COX16: variants seen among roughly 807,000 people sequenced by gnomAD.
The protein encoded by COX16 is cytochrome c oxidase assembly factor COX16.
In COX16, 12 loss-of-function variants were observed where a neutral mutation model predicts 15.4. The ratio of observed to expected loss-of-function variants is 0.78; its 90% CI spans 0.50 to 1.26. COX16 has a LOEUF of 1.26. Among genes scored for constraint, COX16 ranks in the 50% most tolerant of loss-of-function variants. The pLI, the probability that COX16 is intolerant of heterozygous loss-of-function variation, is 0.00. For missense variants in COX16, 124 were observed against 127.6 expected (o/e 0.97, Z 0.14); for synonymous variants, 46 against 41.1 (o/e 1.12, Z -0.46).
intron 3 of COX16, among the ~76,000 whole-genome samples, chr14:70,326,759 C>T (rs774095675): frequency 6.6e-6 from 1 of 152,076 alleles, no homozygotes; most frequent in Non-Finnish European, 1.5e-5. Context: ...AACAAAAGTA[C>T]AAATCTGAAG....
chr14:70,352,017 T>A (rs1488734022), intron 1 of COX16, among the ~76,000 whole-genome samples: 1 of 152,142 alleles, frequency 6.6e-6, no homozygotes, highest in African/African-American at 2.4e-5. Flanking sequence ...CAATGACAAT[T>A]TGGGGATCTT....
At position 70,359,456 on chromosome 14, in the gene COX16, GTCTTGA is replaced by G. The variant is rs2140775107; in HGVS notation, c.69+57_69+62del. On this transcript the variant is annotated intron_variant, in intron 1 of 3. Transcript: ENST00000389912. Reference sequence around the variant, plus strand: ...TCACATTTTACAGATTCCCTCCCAGGTCTTGATCCTGCCAAGGAGGAGGGTCCCACC... The same window carrying G: ...TCACATTTTACAGATTCCCTCCCAGGTCCTGCCAAGGAGGAGGGTCCCACC... 2.1e-6 allele frequency: 3 copies of G among 1,431,818 alleles called. No homozygotes were observed. In the East Asian group the frequency reaches 6.8e-5, roughly 33 times the overall value. 88.7% of individuals were successfully genotyped at this position (1,431,818 alleles called of 1,614,324 possible). A position where few individuals can be genotyped will look rare whatever the true frequency, so the allele number is the denominator to read the frequency against.
At chr14:70,335,218 T>C (rs907754126) in intron 2 of COX16, among the ~76,000 whole-genome samples, 33 of 152,052 alleles carry the variant, frequency 2.2e-4, no homozygotes, top group Admixed American at 2.0e-4. Flanking sequence ...TATTAACAAA[T>C]CTAAAGGGAG....
intron 1 of COX16, among the ~76,000 whole-genome samples, chr14:70,351,926 T>A (rs1886968732): frequency 6.6e-6 from 1 of 152,176 alleles, no homozygotes; most frequent in African/African-American, 2.4e-5. Context: ...CAAACTTTAT[T>A]TTTTTGCAAA....
At chr14:70,353,618 A>T (rs1251049708) in intron 1 of COX16, among the ~76,000 whole-genome samples, 1 of 151,660 alleles carries the variant, frequency 6.6e-6, no homozygotes, top group Non-Finnish European at 1.5e-5. Flanking sequence ...GGCTCAAGTA[A>T]TTCTCCCGTC....
intron 1 of COX16, among the ~76,000 whole-genome samples, chr14:70,358,884 C>G (rs1887211420): frequency 6.6e-6 from 1 of 152,110 alleles, no homozygotes; most frequent in Non-Finnish European, 1.5e-5. Context: ...ATGGATGAAA[C>G]CATATAAACA....
intron 2 of COX16, among the ~76,000 whole-genome samples, chr14:70,341,324 C>T (rs1428789242): frequency 1.3e-5 from 2 of 152,102 alleles, no homozygotes; most frequent in African/African-American, 4.8e-5. Context: ...GTCCTTAAAA[C>T]TAGCTGATGT....
intron 1 of COX16, among the ~76,000 whole-genome samples, chr14:70,356,195 C>T (rs975083185): frequency 7.8e-6 from 1 of 128,868 alleles, no homozygotes; most frequent in African/African-American, 3.0e-5. Flanking sequence ...ACCATTTTTC[C>T]ACAGATGGTG....
intron 2 of COX16, 30 bp downstream of exon 2, chr14:70,342,628 C>T: frequency 6.2e-7 from 1 of 1,602,496 alleles, no homozygotes. Flanking sequence ...TATAGACAGA[C>T]ACATGTCAAA....
intron 2 of COX16, 92 bp downstream of exon 2, chr14:70,342,566 C>A: frequency 8.1e-7 from 1 of 1,241,692 alleles, no homozygotes; most frequent in Non-Finnish European, 1.1e-6. Flanking sequence ...GCAAGACAAA[C>A]TCAGACTACT....
chr14:70,333,539 AG>A (rs1412469122), intron 2 of COX16, among the ~76,000 whole-genome samples: 1 of 152,224 alleles, frequency 6.6e-6, no homozygotes, highest in African/African-American at 2.4e-5. Context: ...CAGTAAGAAG[AG>A]AAAAAAGGAA....
At chr14:70,345,466 G>C (rs867838582) in intron 1 of COX16, among the ~76,000 whole-genome samples, 2 of 152,074 alleles carry the variant, frequency 1.3e-5, no homozygotes, top group Non-Finnish European at 1.5e-5. Context: ...GGGAAACTCC[G>C]GTCCTCCATT....
intron 3 of COX16, among the ~76,000 whole-genome samples, chr14:70,327,463 C>G (rs1374447754): frequency 6.6e-6 from 1 of 151,550 alleles, no homozygotes; most frequent in Non-Finnish European, 1.5e-5. Flanking sequence ...TGTAGAACTA[C>G]AAGTTAGCAA....
At chr14:70,351,522 T>G (rs1886953662) in intron 1 of COX16, among the ~76,000 whole-genome samples, 1 of 152,228 alleles carries the variant, frequency 6.6e-6, no homozygotes, top group African/African-American at 2.4e-5. Context: ...TTGCATTCAC[T>G]TCTTGATTTT....
At chr14:70,337,057 G>T (rs1886478513) in intron 2 of COX16, among the ~76,000 whole-genome samples, 1 of 152,082 alleles carries the variant, frequency 6.6e-6, no homozygotes, top group Non-Finnish European at 1.5e-5. Flanking sequence ...TAAGAACAAA[G>T]GTTTGAAACC....
At chr14:70,359,087 C>A in intron 1 of COX16, 1 of 425,576 alleles carries the variant, frequency 2.3e-6, no homozygotes, top group South Asian at 1.7e-5. Flanking sequence ...AAATGGAATA[C>A]ATCTAGTCCC....
chr14:70,353,645 C>G (rs1887037335), intron 1 of COX16, among the ~76,000 whole-genome samples: 1 of 151,758 alleles, frequency 6.6e-6, no homozygotes, highest in South Asian at 2.1e-4. Flanking sequence ...TCCTGAGTAG[C>G]TGGGACCACA....
intron 1 of COX16, among the ~76,000 whole-genome samples, chr14:70,342,955 A>G (rs1480343912): frequency 6.6e-6 from 1 of 152,174 alleles, no homozygotes; most frequent in Non-Finnish European, 1.5e-5. Flanking sequence ...GTCACCCTAT[A>G]CCTGTATTTG....
intron 2 of COX16, among the ~76,000 whole-genome samples, chr14:70,329,721 C>CA (rs199721497): frequency 0.47 from 55,574 of 117,736 alleles, 12,904 homozygotes; most frequent in Admixed American, 0.53. Flanking sequence ...AGATATCTAC[C>CA]AAAAAAAAAA....
Sources: gnomAD v4.1 joint callset for allele counts (sites outside exome capture counted in the v4.1 genomes callset) on GRCh38, gnomAD v4.1.1 for gene constraint, MANE v1.5 for transcripts, NCBI Gene and HGNC (gene_info 2026-07-23, HGNC 2026-07-21) for gene names.